The following SRPX variants were observed in gnomAD, a reference collection of about 807,000 sequenced individuals.
The protein encoded by SRPX is sushi repeat-containing protein SRPX.
SRPX carries 24 observed loss-of-function variants against 38.1 expected under a neutral mutation model. That is an observed-to-expected ratio of 0.63 (90% confidence interval 0.46 to 0.89). SRPX has a LOEUF of 0.89. SRPX is among the 40% of genes least tolerant of loss of function. The pLI, the probability that SRPX is intolerant of heterozygous loss-of-function variation, is 0.00. For missense variants in SRPX, 416 were observed against 377.8 expected (o/e 1.10, Z -0.84); for synonymous variants, 184 against 153.8 (o/e 1.20, Z -1.45).
rs919309394 is a variant in SRPX, at chrX:38,170,729, C to G, written c.526+1152G>C. Among the ~76,000 whole-genome samples the G allele has an allele frequency of 4.5e-5, 5 of 112,023 alleles. 1 individual carries two copies. Among genetic ancestry groups the G allele is most frequent in the Non-Finnish European group, 9.4e-5 (5 of 53,254 alleles). ...CATGCTGTTGGTTTTTGAGAACAAT[C>G]AGCATTTTCTTTCCATTGTTGCACA... On this transcript the variant is annotated intron_variant, in intron 4 of 9. Transcript: ENST00000378533.
intron 1 of SRPX, among the ~76,000 whole-genome samples, chrX:38,181,050 G>A (rs1938662580): frequency 8.9e-6 from 1 of 112,131 alleles, no homozygotes; most frequent in African/African-American, 3.2e-5. Flanking sequence ...TAAATTGTTG[G>A]GAAATACAAA....
intron 1 of SRPX, among the ~76,000 whole-genome samples, chrX:38,201,218 T>C (rs1939107079): frequency 9.0e-6 from 1 of 111,359 alleles, no homozygotes; most frequent in South Asian, 3.8e-4. Flanking sequence ...CAAAAGACTT[T>C]TCACCATCTG....
rs1188868620 is a variant in SRPX at position 38,178,148 on chromosome X, TA to T, written c.157+136del. ...TTTTAAAAAAGGGAGTATATATATA[TA>T]TTTTTTTTTCCTTGATAGATAATTA... On this transcript the variant is annotated intron_variant, in intron 2 of 9. Transcript: ENST00000378533. 6.7e-4 allele frequency: 254 copies of T among 379,587 alleles called. 1 individual carries two copies. The highest frequency in any genetic ancestry group is 5.5e-3 in the African/African-American group (215 of 39,252). The allele number at this position is 379,587 out of a possible 1,213,427, so 31.3% of individuals were successfully genotyped here.
chrX:38,200,509 A>G (rs768191995), intron 1 of SRPX, among the ~76,000 whole-genome samples: 3 of 111,992 alleles, frequency 2.7e-5, no homozygotes, highest in African/African-American at 9.7e-5. Context: ...GTAATTAATA[A>G]GGAGGAGAAG....
At chrX:38,203,072 T>A (rs759312390) in intron 1 of SRPX, among the ~76,000 whole-genome samples, 3 of 111,744 alleles carry the variant, frequency 2.7e-5, no homozygotes, top group Non-Finnish European at 3.8e-5. Flanking sequence ...AAGAATAATA[T>A]GGTAACACCA....
rs1354865391 is a variant in SRPX at position 38,160,984 on chromosome X, A to C, written c.724T>G (p.Tyr242Asp). 1.7e-6 allele frequency: 2 copies of C among 1,211,004 alleles called. No homozygotes were observed. Among genetic ancestry groups the C allele is most frequent in the Non-Finnish European group, 2.2e-6 (2 of 895,079 alleles). The change falls in exon 6 of 10, where the codon TAT becomes GAT. Residue 242 changes from tyrosine (Y) to aspartate (D), a missense_variant. Coordinates refer to ENST00000378533, the MANE Select transcript of SRPX (RefSeq NM_006307.5). Reference protein sequence around the residue: ...EGDHKIQYTVYDRAENKGTCK... With the variant: ...EGDHKIQYTVDDRAENKGTCK... ...GTGCCCTTATTCTCAGCTCTGTCATAGACTGTGTACTGGATCTTGTGGTCT... is the reference window on the plus strand; with the variant it reads ...GTGCCCTTATTCTCAGCTCTGTCATCGACTGTGTACTGGATCTTGTGGTCT...
intron 6 of SRPX, 118 bp downstream of exon 6, chrX:38,160,815 C>G: frequency 1.1e-6 from 1 of 926,710 alleles, no homozygotes; most frequent in South Asian, 2.9e-5. Flanking sequence ...AGAGACTAAT[C>G]TAAAGCTGGC....
intron 6 of SRPX, 36 bp from the exon 7 acceptor site, chrX:38,160,232 G>A (rs747902133): frequency 1.2e-5 from 14 of 1,183,811 alleles, no homozygotes; most frequent in African/African-American, 1.8e-5. Context: ...TCTCAGTGCT[G>A]AGCTCCCATC....
At chrX:38,173,259 T>C (rs964452282) in intron 3 of SRPX, among the ~76,000 whole-genome samples, 86 of 112,205 alleles carry the variant, frequency 7.7e-4, no homozygotes, top group African/African-American at 2.5e-3. Flanking sequence ...ATCTAAAATG[T>C]GCTTCAACAA....
At chrX:38,179,818 C>CACTGGAACCAG (rs1470781362) in intron 1 of SRPX, among the ~76,000 whole-genome samples, 1 of 111,780 alleles carries the variant, frequency 8.9e-6, no homozygotes, top group African/African-American at 3.3e-5. Flanking sequence ...AAAAAATGAG[C>CACTGGAACCAG]ACTGGAACCA....
chrX:38,205,794 C>T (rs1040019315), intron 1 of SRPX, among the ~76,000 whole-genome samples: 2 of 112,053 alleles, frequency 1.8e-5, no homozygotes, highest in Non-Finnish European at 3.8e-5. Context: ...GCTAAACAGC[C>T]TAATACACTT....
chrX:38,203,103 T>C lies in SRPX; in HGVS notation c.97+17593A>G, dbSNP rs766588881. Among the ~76,000 whole-genome samples, 11 of 111,805 alleles carry C rather than the reference T, an allele frequency of 9.8e-5. No homozygotes were observed. The South Asian group carries it at 4.1e-3, about 42-fold the overall frequency. On this transcript the variant is annotated intron_variant, in intron 1 of 9. Coordinates refer to ENST00000378533, the MANE Select transcript of SRPX (RefSeq NM_006307.5). The stretch of plus-strand genomic sequence containing the variant: ...CACCAAATGGTACGTATCCTGACAG[T>C]GGAAGCCTAGCTTAATATTCAAAAA...
chrX:38,219,007 G>A (rs1228158857), intron 1 of SRPX, among the ~76,000 whole-genome samples: 1 of 111,049 alleles, frequency 9.0e-6, no homozygotes, highest in African/African-American at 3.3e-5. Flanking sequence ...GCAGGAACAT[G>A]GTGGCTAAAA....
chrX:38,211,694 G>A (rs763334487), intron 1 of SRPX, among the ~76,000 whole-genome samples: 5 of 108,643 alleles, frequency 4.6e-5, no homozygotes, highest in African/African-American at 6.7e-5. Flanking sequence ...AGCAAGACTC[G>A]GTCAAAAAAA....
chrX:38,209,558 T>A (rs1316927952), intron 1 of SRPX, among the ~76,000 whole-genome samples: 1 of 111,768 alleles, frequency 8.9e-6, no homozygotes, highest in Admixed American at 9.5e-5. Context: ...TTCCCTCCTA[T>A]CTGAATGTGT....
chrX:38,171,950 A>G lies in SRPX; in HGVS notation c.457T>C (p.Leu153=). 1.7e-6 allele frequency: 2 copies of G among 1,211,504 alleles called. No individual in the cohort carries two copies. Among genetic ancestry groups the G allele is most frequent in the South Asian group, 3.5e-5 (2 of 56,953 alleles). ...CEYYCSPGYT[L]KGERTVTCMD... Reference sequence around the variant, plus strand: ...CATGTGACGGTCCGCTCCCCTTTCAACGTGTATCCTGGTGAACAATAATAC... The same window carrying G: ...CATGTGACGGTCCGCTCCCCTTTCAGCGTGTATCCTGGTGAACAATAATAC... Residue 153 remains leucine, a synonymous_variant, in exon 4 of 10, where the codon TTG becomes CTG. Coordinates refer to ENST00000378533, the MANE Select transcript of SRPX (RefSeq NM_006307.5).
chrX:38,166,725 A>G (rs1016606526), intron 4 of SRPX, among the ~76,000 whole-genome samples: 1 of 112,320 alleles, frequency 8.9e-6, no homozygotes, highest in Non-Finnish European at 1.9e-5. Context: ...TATATTTATT[A>G]GCATACAGAT....
chrX:38,174,425 C>G, intron 2 of SRPX, 74 bp from the exon 3 acceptor site: 1 of 866,265 alleles, frequency 1.2e-6, no homozygotes, highest in Non-Finnish European at 1.5e-6. Flanking sequence ...CTTACTCTTA[C>G]TGTCCCAGGC....
intron 1 of SRPX, among the ~76,000 whole-genome samples, chrX:38,214,219 A>C (rs950152599): frequency 8.9e-6 from 1 of 111,870 alleles, no homozygotes; most frequent in African/African-American, 3.3e-5. Flanking sequence ...AAATCCCTTC[A>C]ACTTGCTAAG....
Sources: allele counts gnomAD v4.1 joint callset (sites outside exome capture counted in the v4.1 genomes callset), GRCh38; gene constraint gnomAD v4.1.1; transcripts MANE v1.5; gene names NCBI Gene and HGNC (gene_info 2026-07-23, HGNC 2026-07-21).